The following ERC2 variants were observed in gnomAD, a reference collection of about 807,000 sequenced individuals.
ERC2 encodes ERC protein 2.
Under a neutral mutation model 114.8 loss-of-function variants are expected in ERC2, and 42 were observed. The observed-to-expected ratio is 0.37, with a 90% CI of 0.29 to 0.47. The LOEUF (loss-of-function observed/expected upper bound fraction) is 0.47. Ranked by LOEUF, ERC2 falls within the 20% of genes least tolerant of loss-of-function variation. ERC2 has a pLI of 0.99. For synonymous variants in ERC2, 454 were observed against 425.5 expected (o/e 1.07, Z -0.82); for missense variants, 939 against 1,150.7 (o/e 0.82, Z 2.66).
intron 7 of ERC2, among the ~76,000 whole-genome samples, chr3:56,066,696 T>C (rs1277742032): frequency 6.6e-6 from 1 of 152,200 alleles, no homozygotes; most frequent in Non-Finnish European, 1.5e-5. Flanking sequence ...GGTTTTACAT[T>C]TAAGTCTTTA....
intron 14 of ERC2, among the ~76,000 whole-genome samples, chr3:55,751,298 C>G (rs889548790): frequency 6.6e-6 from 1 of 152,144 alleles, no homozygotes; most frequent in Non-Finnish European, 1.5e-5. Context: ...AGAATAATCT[C>G]TTTATTTCAC....
At chr3:55,616,305 A>G (rs2059120068) in intron 17 of ERC2, among the ~76,000 whole-genome samples, 1 of 139,822 alleles carries the variant, frequency 7.2e-6, no homozygotes, top group African/African-American at 2.5e-5. Context: ...CACTTAGGAA[A>G]GGAGTTCCAT....
At chr3:55,733,405 C>G (rs951792300) in intron 15 of ERC2, among the ~76,000 whole-genome samples, 5 of 151,728 alleles carry the variant, frequency 3.3e-5, no homozygotes, top group Non-Finnish European at 7.4e-5. Context: ...TGGTCTGTCT[C>G]TCTGTCTCTC....
At chr3:56,264,263 T>C (rs2053140940) in intron 3 of ERC2, among the ~76,000 whole-genome samples, 1 of 152,186 alleles carries the variant, frequency 6.6e-6, no homozygotes, top group South Asian at 2.1e-4. Context: ...ATGCCCACTC[T>C]TGCCACATCT....
intron 16 of ERC2, 133 bp from the exon 17 acceptor site, chr3:55,683,992 T>A (rs2062193100): frequency 1.0e-6 from 1 of 956,884 alleles, no homozygotes; most frequent in Non-Finnish European, 1.5e-6. Flanking sequence ...TCTTCAAGAC[T>A]GAAGAAAAAA....
At chr3:55,792,890 A>C (rs922826619) in intron 14 of ERC2, among the ~76,000 whole-genome samples, 17 of 152,198 alleles carry the variant, frequency 1.1e-4, no homozygotes, top group African/African-American at 4.1e-4. Context: ...TTTAGCAACT[A>C]AGAAATGAGA....
intron 7 of ERC2, among the ~76,000 whole-genome samples, chr3:56,034,901 C>T (rs2149638834): frequency 6.6e-6 from 1 of 151,996 alleles, no homozygotes; most frequent in South Asian, 2.1e-4. Flanking sequence ...AACTTAACCT[C>T]ATACCTCAAG....
At chr3:55,905,348 T>C (rs2064368377) in intron 13 of ERC2, among the ~76,000 whole-genome samples, 1 of 152,218 alleles carries the variant, frequency 6.6e-6, no homozygotes, top group Non-Finnish European at 1.5e-5. Context: ...CCCAAAGTGC[T>C]GGGATTACAG....
chr3:55,715,363 G>T (rs1360359492), intron 15 of ERC2, among the ~76,000 whole-genome samples: 1 of 152,152 alleles, frequency 6.6e-6, no homozygotes, highest in Non-Finnish European at 1.5e-5. Context: ...GTCTTTTCAA[G>T]TTGAGAGAGT....
intron 17 of ERC2, among the ~76,000 whole-genome samples, chr3:55,552,844 A>T (rs1174589013): frequency 6.6e-6 from 1 of 151,660 alleles, no homozygotes; most frequent in Non-Finnish European, 1.5e-5. Context: ...ATATTTTTTA[A>T]AATTGTCCCA....
chr3:55,979,743 C>A (rs2069917433), intron 12 of ERC2, among the ~76,000 whole-genome samples: 2 of 149,762 alleles, frequency 1.3e-5, no homozygotes, highest in East Asian at 2.0e-4. Flanking sequence ...AGTTTGAGAT[C>A]AGTCTGAGCA....
chr3:56,143,197 G>T (rs796942069), intron 5 of ERC2, among the ~76,000 whole-genome samples: 42 of 152,292 alleles, frequency 2.8e-4, no homozygotes, highest in African/African-American at 9.9e-4. Context: ...ATGTGGTGGT[G>T]GTAATAGGGT....
chr3:55,601,590 T>C (rs952816681), intron 17 of ERC2, among the ~76,000 whole-genome samples: 2 of 152,196 alleles, frequency 1.3e-5, no homozygotes, highest in African/African-American at 4.8e-5. Flanking sequence ...TTCCTGCCTA[T>C]GGGAGAGCTC....
chr3:56,379,347 G>GA (rs941151587), intron 2 of ERC2, among the ~76,000 whole-genome samples: 9 of 151,788 alleles, frequency 5.9e-5, no homozygotes, highest in Admixed American at 3.3e-4. Context: ...ATATAGAGAT[G>GA]AAAAAAAACC....
At chr3:55,527,613 C>A (rs894905911) in intron 17 of ERC2, among the ~76,000 whole-genome samples, 6 of 152,136 alleles carry the variant, frequency 3.9e-5, no homozygotes, top group Admixed American at 3.9e-4. Context: ...GTAACTTAGG[C>A]AAACACTTTT....
At chr3:55,893,313 T>C (rs539267908) in intron 13 of ERC2, among the ~76,000 whole-genome samples, 102 of 152,306 alleles carry the variant, frequency 6.7e-4, no homozygotes, top group Admixed American at 3.3e-4. Context: ...TTTCTCCTTG[T>C]GACTCCATCC....
intron 1 of ERC2, among the ~76,000 whole-genome samples, chr3:56,466,865 C>A (rs987863815): frequency 3.9e-5 from 6 of 152,142 alleles, no homozygotes; most frequent in African/African-American, 1.4e-4. Context: ...GATAGCTCAA[C>A]GGTACATGTT....
At chr3:56,269,929 C>T (rs931510360) in intron 3 of ERC2, among the ~76,000 whole-genome samples, 1 of 152,094 alleles carries the variant, frequency 6.6e-6, no homozygotes, top group Non-Finnish European at 1.5e-5. Flanking sequence ...TTTCCCACCC[C>T]ATCAGTTAAT....
At chr3:55,606,043 T>C (rs1018590004) in intron 17 of ERC2, among the ~76,000 whole-genome samples, 3 of 152,298 alleles carry the variant, frequency 2.0e-5, no homozygotes, top group Middle Eastern at 3.4e-3. Context: ...ATAAGGCCAA[T>C]GCCCTATGGT....
Sources: allele counts gnomAD v4.1 joint callset (sites outside exome capture counted in the v4.1 genomes callset), GRCh38; gene constraint gnomAD v4.1.1; transcripts MANE v1.5; gene names NCBI Gene and HGNC (gene_info 2026-07-23, HGNC 2026-07-21).